Variants in FRAS1 observed in about 807,000 individuals in gnomAD.
FRAS1 encodes Fraser extracellular matrix complex subunit 1.
FRAS1 carries 290 observed loss-of-function variants against 435.2 expected under a neutral mutation model. The ratio of observed to expected loss-of-function variants is 0.67; its 90% CI spans 0.61 to 0.73. The LOEUF (loss-of-function observed/expected upper bound fraction) is 0.73. Among genes scored for constraint, FRAS1 ranks in the 30% least tolerant of loss-of-function variants. The pLI is 0.00. For synonymous variants in FRAS1, 1,800 were observed against 1,851.0 expected (o/e 0.97, Z 0.71); for missense variants, 4,860 against 5,001.5 (o/e 0.97, Z 0.85).
intron 2 of FRAS1, among the ~76,000 whole-genome samples, chr4:78,118,052 A>C (rs1718758087): frequency 6.6e-6 from 1 of 152,248 alleles, no homozygotes; most frequent in Non-Finnish European, 1.5e-5. Flanking sequence ...TCTAACAGTC[A>C]GGACCCTCAG....
intron 22 of FRAS1, among the ~76,000 whole-genome samples, chr4:78,368,490 C>G (rs529526911): frequency 8.2e-5 from 12 of 145,680 alleles, no homozygotes; most frequent in African/African-American, 3.2e-4. Context: ...CTTGTATATA[C>G]CTTATGCAAT....
In FRAS1 at chr4:78,125,607, G is replaced by T. The variant is rs531868000; in HGVS notation, c.108+59591G>T. The stretch of plus-strand genomic sequence containing the variant: ...ATGTTGATGCTATACCTTTCTGTTT[G>T]TTAGTTTTCCTTCTGACAGACAGGC... On this transcript the variant is annotated intron_variant, in intron 2 of 73. Transcript: ENST00000512123. 1.1e-4 allele frequency among the ~76,000 whole-genome samples: 16 copies of T among 152,216 alleles called. 1 individual carries two copies. The East Asian group carries it at 2.9e-3, about 28-fold the overall frequency.
At chr4:78,468,259 G>C (rs1336494684) in intron 50 of FRAS1, among the ~76,000 whole-genome samples, 1 of 152,118 alleles carries the variant, frequency 6.6e-6, no homozygotes, top group Non-Finnish European at 1.5e-5. Flanking sequence ...TATGTGGTGA[G>C]AGAGAGGGGT....
intron 33 of FRAS1, 104 bp downstream of exon 33, chr4:78,419,167 T>C: frequency 1.7e-6 from 1 of 603,868 alleles, no homozygotes; most frequent in Non-Finnish European, 2.8e-6. Context: ...CATAGAGATA[T>C]TTGTTGAGGT....
intron 18 of FRAS1, among the ~76,000 whole-genome samples, chr4:78,331,051 T>A (rs1288825603): frequency 6.6e-6 from 1 of 152,226 alleles, no homozygotes; most frequent in East Asian, 1.9e-4. Context: ...TGTCCCTTTA[T>A]TTCTCAAGCT....
intron 2 of FRAS1, among the ~76,000 whole-genome samples, chr4:78,082,108 A>C (rs1385813512): frequency 6.6e-6 from 1 of 152,152 alleles, no homozygotes; most frequent in Non-Finnish European, 1.5e-5. Context: ...TGCATTTGAA[A>C]AATGACACTT....
rs186608905 is a variant in FRAS1 at position 78,374,850 on chromosome 4, A to G, written c.3151+599A>G. On this transcript the variant is annotated intron_variant, in intron 25 of 73. Coordinates refer to ENST00000512123, the MANE Select transcript of FRAS1 (RefSeq NM_025074.7). ...GCTATTAACCCGGCATAGCATTTAC[A>G]TATCACTAAATTTACCCCATTTGCA... Among the ~76,000 whole-genome samples, 266 of 152,318 alleles carry G rather than the reference A, an allele frequency of 1.7e-3. 1 individual carries two copies. The highest frequency in any genetic ancestry group is 6.0e-3 in the African/African-American group (249 of 41,570).
At chr4:78,215,274 C>G in intron 2 of FRAS1, among the ~76,000 whole-genome samples, 1 of 152,088 alleles carries the variant, frequency 6.6e-6, no homozygotes, top group South Asian at 2.1e-4. Flanking sequence ...CTGCTCTCTG[C>G]AACCTCTGCC....
intron 9 of FRAS1, among the ~76,000 whole-genome samples, chr4:78,275,382 G>A (rs1047741337): frequency 1.3e-5 from 2 of 152,104 alleles, no homozygotes; most frequent in African/African-American, 2.4e-5. Flanking sequence ...TATTTTGCTT[G>A]TTAGTTGATG....
At chr4:78,473,320 G>A (rs1719763678) in intron 52 of FRAS1, 118 bp from the exon 53 acceptor site, 1 of 743,788 alleles carries the variant, frequency 1.3e-6, no homozygotes, top group Non-Finnish European at 2.1e-6. Flanking sequence ...TTGGTGCTTG[G>A]AAAAATAAGT....
At chr4:78,098,853 C>T (rs1741962127) in intron 2 of FRAS1, among the ~76,000 whole-genome samples, 1 of 152,136 alleles carries the variant, frequency 6.6e-6, no homozygotes, top group Non-Finnish European at 1.5e-5. Context: ...GTTTTAAAAG[C>T]CAGAGCTAAG....
At chr4:78,439,940 A>G (rs1003873495) in intron 40 of FRAS1, among the ~76,000 whole-genome samples, 9 of 151,984 alleles carry the variant, frequency 5.9e-5, no homozygotes, top group African/African-American at 2.2e-4. Flanking sequence ...TGCTCTATGT[A>G]CATACCATAA....
intron 24 of FRAS1, 145 bp downstream of exon 24, chr4:78,373,003 A>G: frequency 1.1e-6 from 1 of 933,088 alleles, no homozygotes; most frequent in Non-Finnish European, 1.5e-6. Flanking sequence ...TATCTTTGTT[A>G]TCATGAAAAT....
intron 47 of FRAS1, among the ~76,000 whole-genome samples, chr4:78,457,164 T>C (rs935947227): frequency 1.3e-5 from 2 of 152,160 alleles, no homozygotes; most frequent in Non-Finnish European, 2.9e-5. Flanking sequence ...TAGAGACCCA[T>C]TAAAAGGCCC....
At chr4:78,111,774 A>T (rs28707182) in intron 2 of FRAS1, among the ~76,000 whole-genome samples, 31,059 of 145,618 alleles carry the variant, frequency 0.21, 3,673 homozygotes, top group Admixed American at 0.28. Context: ...AAAAAAAAAA[A>T]GATGAGGTTC....
chr4:78,344,687 G>A (rs1730539025), intron 20 of FRAS1, among the ~76,000 whole-genome samples: 1 of 152,086 alleles, frequency 6.6e-6, no homozygotes. Context: ...GCTCGGAGAG[G>A]CACTGTTGGG....
chr4:78,187,557 G>C (rs1278352894), intron 2 of FRAS1, among the ~76,000 whole-genome samples: 1 of 152,018 alleles, frequency 6.6e-6, no homozygotes, highest in Non-Finnish European at 1.5e-5. Flanking sequence ...AAAGATATCT[G>C]TCCTCATGGT....
intron 2 of FRAS1, among the ~76,000 whole-genome samples, chr4:78,234,195 T>G (rs1724636474): frequency 6.6e-6 from 1 of 152,242 alleles, no homozygotes; most frequent in East Asian, 1.9e-4. Flanking sequence ...AATAAACTTG[T>G]TTTTCCTCAC....
At chr4:78,175,700 C>T (rs1721740917) in intron 2 of FRAS1, among the ~76,000 whole-genome samples, 1 of 152,184 alleles carries the variant, frequency 6.6e-6, no homozygotes, top group Non-Finnish European at 1.5e-5. Context: ...GGTCATCTTA[C>T]AGGAATTGTG....
Sources: allele counts gnomAD v4.1 joint callset (sites outside exome capture counted in the v4.1 genomes callset), GRCh38; gene constraint gnomAD v4.1.1; transcripts MANE v1.5; gene names NCBI Gene and HGNC (gene_info 2026-07-23, HGNC 2026-07-21).